Variants in GRIA3 observed in about 807,000 individuals in gnomAD.
GRIA3 encodes the protein glutamate receptor 3.
GRIA3 carries 3 observed loss-of-function variants against 63.0 expected under a neutral mutation model. The ratio of observed to expected loss-of-function variants is 0.05; its 90% CI spans 0.02 to 0.12. GRIA3 has a LOEUF of 0.12. Among genes scored for constraint, GRIA3 ranks in the 10% least tolerant of loss-of-function variants. The pLI, the probability that GRIA3 is intolerant of heterozygous loss-of-function variation, is 1.00. For synonymous variants in GRIA3, 274 were observed against 257.9 expected (o/e 1.06, Z -0.60); for missense variants, 347 against 700.9 (o/e 0.50, Z 5.70).
chrX:123,227,444 T>C (rs1053760454), intron 2 of GRIA3, among the ~76,000 whole-genome samples: 4 of 112,091 alleles, frequency 3.6e-5, no homozygotes, highest in African/African-American at 1.3e-4. Flanking sequence ...AAATGTTACC[T>C]AGCTGATGAG....
intron 4 of GRIA3, among the ~76,000 whole-genome samples, chrX:123,339,532 T>C (rs752334298): frequency 8.9e-6 from 1 of 112,217 alleles, no homozygotes; most frequent in East Asian, 2.8e-4. Flanking sequence ...TCTAGTGTGA[T>C]AAGAGCAGTG....
intron 3 of GRIA3, among the ~76,000 whole-genome samples, chrX:123,280,678 C>T (rs2044580958): frequency 9.0e-6 from 1 of 111,648 alleles, no homozygotes; most frequent in Non-Finnish European, 1.9e-5. Flanking sequence ...TTATTTTGAA[C>T]ATCTATTTTT....
chrX:123,378,747 A>T (rs2045303177), intron 5 of GRIA3, among the ~76,000 whole-genome samples: 1 of 111,087 alleles, frequency 9.0e-6, no homozygotes, highest in African/African-American at 3.3e-5. Context: ...TCTTAAAGAG[A>T]AATCTAGCAA....
At chrX:123,310,484 A>G (rs2044782660) in intron 3 of GRIA3, among the ~76,000 whole-genome samples, 1 of 113,089 alleles carries the variant, frequency 8.8e-6, no homozygotes, top group African/African-American at 3.2e-5. Context: ...CTATGCCATC[A>G]ATGGCAAAGA....
chrX:123,436,612 A>G (rs756467943), intron 12 of GRIA3, among the ~76,000 whole-genome samples: 1 of 112,290 alleles, frequency 8.9e-6, no homozygotes, highest in South Asian at 3.7e-4. Context: ...TATCTCCATT[A>G]GTCCTCCAAG....
In GRIA3 at chrX:123,463,624, G is replaced by C. The variant is rs2045810589; in HGVS notation, c.2077-1241G>C. Reference sequence around the variant, plus strand: ...GGAGGGAGGGAGGGAAAGAAAGAAAGAAAGAAAGAAAGAAAGAAAGAAAGA... The same window carrying C: ...GGAGGGAGGGAGGGAAAGAAAGAAACAAAGAAAGAAAGAAAGAAAGAAAGA... On this transcript the variant is annotated intron_variant, in intron 12 of 15. Transcript: ENST00000620443. 1.1e-4 allele frequency among the ~76,000 whole-genome samples: 3 copies of C among 26,566 alleles called. 1 individual carries two copies. In the South Asian group the frequency reaches 5.8e-3, roughly 52 times the overall value. The allele number at this position is 26,566 out of a possible 115,157, so 23.1% of individuals were successfully genotyped here.
intron 13 of GRIA3, among the ~76,000 whole-genome samples, chrX:123,471,990 C>CATATATATATAT (rs760824587): frequency 0.019 from 253 of 13,400 alleles, 33 homozygotes; most frequent in East Asian, 0.043. Flanking sequence ...CAATGGCATT[C>CATATATATATAT]ATATATATAT....
At chrX:123,352,047 A>C (rs757681739) in intron 4 of GRIA3, among the ~76,000 whole-genome samples, 1 of 109,485 alleles carries the variant, frequency 9.1e-6, no homozygotes, top group African/African-American at 3.3e-5. Context: ...TCCCACATTT[A>C]TATAGCATCA....
chrX:123,270,038 G>A (rs748258768), intron 3 of GRIA3, among the ~76,000 whole-genome samples: 4 of 112,393 alleles, frequency 3.6e-5, no homozygotes, highest in Admixed American at 9.4e-5. Flanking sequence ...AAAAGCATAC[G>A]TATTTTCTGA....
At chrX:123,446,876 G>A (rs1740269461) in intron 12 of GRIA3, among the ~76,000 whole-genome samples, 1 of 111,234 alleles carries the variant, frequency 9.0e-6, no homozygotes, top group African/African-American at 3.3e-5. Context: ...TTTTTTTTAA[G>A]TATTAATGGC....
chrX:123,342,551 A>C (rs2045015789), intron 4 of GRIA3, among the ~76,000 whole-genome samples: 1 of 112,150 alleles, frequency 8.9e-6, no homozygotes, highest in African/African-American at 3.2e-5. Context: ...TCAGGGACTG[A>C]GTCCTAGAAA....
chrX:123,330,240 G>A (rs1312675510), intron 4 of GRIA3, among the ~76,000 whole-genome samples: 1 of 112,195 alleles, frequency 8.9e-6, no homozygotes, highest in Non-Finnish European at 1.9e-5. Context: ...GAGGCAGGCA[G>A]AGCAGATAGG....
rs765630701 is a variant in GRIA3 at position 123,227,073 on chromosome X, C to G, written c.269-26230C>G. Among the ~76,000 whole-genome samples the G allele has an allele frequency of 1.3e-4, 14 of 111,798 alleles. No individual in the cohort carries two copies. In the South Asian group the frequency reaches 4.9e-3, roughly 39 times the overall value. ...TATATTCCTTCATTATCTTCTGCAC[C>G]TCTTGAAAACCACACAGATTCCTCC... On this transcript the variant is annotated intron_variant, in intron 2 of 15. Transcript: ENST00000620443.
chrX:123,333,272 T>C (rs899099822), intron 4 of GRIA3, among the ~76,000 whole-genome samples: 2 of 111,501 alleles, frequency 1.8e-5, no homozygotes, highest in Non-Finnish European at 3.8e-5. Context: ...AGATGAGTAA[T>C]TGCTTAGCTA....
At chrX:123,435,792 C>G (rs768950649) in intron 12 of GRIA3, among the ~76,000 whole-genome samples, 56 of 111,561 alleles carry the variant, frequency 5.0e-4, no homozygotes, top group Middle Eastern at 9.2e-3. Flanking sequence ...CTAGAAAGAA[C>G]AAGAGAAAGA....
At chrX:123,358,241 A>T (rs1476315807) in intron 5 of GRIA3, 3 of 112,143 alleles carry the variant, frequency 2.7e-5, no homozygotes, top group Non-Finnish European at 5.6e-5. Flanking sequence ...GTCCAATGTG[A>T]GTCTTGGTGT....
intron 3 of GRIA3, among the ~76,000 whole-genome samples, chrX:123,307,390 G>A (rs2044761687): frequency 8.9e-6 from 1 of 111,983 alleles, no homozygotes. Context: ...TGGATTCTGT[G>A]GTTGGTCCAA....
At chrX:123,389,877 T>G in intron 5 of GRIA3, among the ~76,000 whole-genome samples, 1 of 110,529 alleles carries the variant, frequency 9.0e-6, no homozygotes, top group East Asian at 2.9e-4. Flanking sequence ...GGCTAATTTT[T>G]TTGTATTTTT....
intron 12 of GRIA3, among the ~76,000 whole-genome samples, chrX:123,438,982 A>G (rs2045659432): frequency 8.9e-6 from 1 of 112,245 alleles, no homozygotes; most frequent in Admixed American, 9.4e-5. Flanking sequence ...TTAATATCAC[A>G]AAGTTTCATC....
Sources: gnomAD v4.1 joint callset for allele counts (sites outside exome capture counted in the v4.1 genomes callset) on GRCh38, gnomAD v4.1.1 for gene constraint, MANE v1.5 for transcripts, NCBI Gene and HGNC (gene_info 2026-07-23, HGNC 2026-07-21) for gene names.